NTM: variants seen among roughly 807,000 people sequenced by gnomAD.
NTM encodes the protein neurotrimin.
A neutral mutation model predicts 42.1 loss-of-function variants in NTM; 13 were observed. The observed-to-expected ratio is 0.31, with a 90% confidence interval of 0.20 to 0.49. The LOEUF is 0.49. NTM is among the 20% of genes least tolerant of loss of function. NTM has a pLI of 0.99. For synonymous variants in NTM, 187 were observed against 179.2 expected (o/e 1.04, Z -0.35); for missense variants, 373 against 452.8 (o/e 0.82, Z 1.60).
At chr11:131,672,022 G>A (rs910237229) in intron 1 of NTM, among the ~76,000 whole-genome samples, 11 of 152,164 alleles carry the variant, frequency 7.2e-5, no homozygotes, top group Admixed American at 2.6e-4. Flanking sequence ...GGCCCGCAGC[G>A]TGCCCTCGCT....
chr11:131,660,409 G>C (rs1445624566), intron 1 of NTM: 1 of 453,048 alleles, frequency 2.2e-6, no homozygotes, highest in Admixed American at 2.4e-5. Context: ...GGAGAGAGGA[G>C]GAAGACTCAG....
chr11:131,424,085 C>G (rs567548157), intron 1 of NTM, among the ~76,000 whole-genome samples: 2 of 152,194 alleles, frequency 1.3e-5, no homozygotes, highest in Non-Finnish European at 2.9e-5. Context: ...ACTCTAATGA[C>G]TTTCTTCTTG....
chr11:131,911,758 T>A lies in NTM; in HGVS notation c.167+110T>A. ...GTGCCTGGGTTGGCGGAGAGGTCGC[T>A]GGTTCCCTGGGCTGCACAATTTATG... On this transcript the variant is annotated intron_variant, in intron 2 of 8. Transcript: ENST00000683400. 5 of 1,356,068 alleles carry A rather than the reference T, an allele frequency of 3.7e-6. No individual in the cohort carries two copies. The East Asian group carries it at 1.2e-4, about 31-fold the overall frequency. The allele number at this position is 1,356,068 out of a possible 1,614,324, so 84.0% of individuals were successfully genotyped here.
chr11:131,648,857 G>C (rs1439680509), intron 1 of NTM, among the ~76,000 whole-genome samples: 3 of 152,118 alleles, frequency 2.0e-5, no homozygotes, highest in Non-Finnish European at 4.4e-5. Flanking sequence ...TTCTCTGGGA[G>C]GCCTTTTTAA....
intron 2 of NTM, among the ~76,000 whole-genome samples, chr11:131,915,722 A>T (rs138147335): frequency 3.3e-5 from 5 of 152,280 alleles, no homozygotes; most frequent in Admixed American, 1.3e-4. Context: ...TCATGGCAGA[A>T]GGCAAAAGGC....
chr11:131,414,306 C>A (rs1030176183), intron 1 of NTM, among the ~76,000 whole-genome samples: 4 of 152,166 alleles, frequency 2.6e-5, no homozygotes, highest in African/African-American at 9.7e-5. Context: ...AGGTCTCTTC[C>A]TTCCCTCTCC....
intron 7 of NTM, among the ~76,000 whole-genome samples, chr11:132,317,182 A>C (rs183758659): frequency 1.3e-5 from 2 of 152,098 alleles, no homozygotes; most frequent in African/African-American, 4.8e-5. Flanking sequence ...GGGGCCTCTG[A>C]GAGTTCTGCT....
intron 1 of NTM, among the ~76,000 whole-genome samples, chr11:131,862,857 C>T (rs77414158): frequency 0.034 from 5,144 of 152,242 alleles, 305 homozygotes; most frequent in African/African-American, 0.12. Flanking sequence ...CCTTTCAGAG[C>T]GGAGAGAGGA....
intron 1 of NTM, among the ~76,000 whole-genome samples, chr11:131,876,260 C>T (rs889244758): frequency 2.6e-5 from 4 of 152,162 alleles, no homozygotes; most frequent in Non-Finnish European, 4.4e-5. Context: ...CACTTGTGTG[C>T]GTGCAGTGAG....
intron 2 of NTM, among the ~76,000 whole-genome samples, chr11:132,127,823 A>T (rs552243218): frequency 6.6e-6 from 1 of 152,326 alleles, no homozygotes; most frequent in South Asian, 2.1e-4. Flanking sequence ...AGTTGCTATT[A>T]ATAGGAGAAA....
chr11:132,133,592 G>A (rs1238426255), intron 2 of NTM, among the ~76,000 whole-genome samples: 4 of 152,096 alleles, frequency 2.6e-5, no homozygotes, highest in African/African-American at 9.7e-5. Context: ...TAAAGAATGG[G>A]CCACAGAGAC....
At chr11:132,263,607 T>C (rs1364430548) in intron 4 of NTM, among the ~76,000 whole-genome samples, 5 of 152,188 alleles carry the variant, frequency 3.3e-5, no homozygotes, top group Non-Finnish European at 7.3e-5. Flanking sequence ...CCTTTTTTTT[T>C]CCTGAACAAT....
intron 1 of NTM, among the ~76,000 whole-genome samples, chr11:131,392,752 C>T (rs1370640306): frequency 6.6e-6 from 1 of 152,162 alleles, no homozygotes; most frequent in Non-Finnish European, 1.5e-5. Context: ...TGCACTCCTC[C>T]TCCCAAGCCT....
chr11:131,413,704 T>G (rs556436106), intron 1 of NTM, among the ~76,000 whole-genome samples: 4 of 152,308 alleles, frequency 2.6e-5, no homozygotes, highest in Non-Finnish European at 5.9e-5. Context: ...ATAATAGTGT[T>G]TATGGCTGTG....
chr11:131,526,084 C>A (rs1041409333), intron 1 of NTM, among the ~76,000 whole-genome samples: 17 of 152,202 alleles, frequency 1.1e-4, no homozygotes, highest in African/African-American at 4.1e-4. Context: ...TCAATCCTCA[C>A]AACAGTGCCA....
At chr11:131,803,964 C>T (rs749221973) in intron 1 of NTM, among the ~76,000 whole-genome samples, 4 of 152,244 alleles carry the variant, frequency 2.6e-5, no homozygotes, top group Admixed American at 2.0e-4. Flanking sequence ...CCAGCCTTGA[C>T]TATTTATCCA....
chr11:131,496,368 G>A (rs1177835360), intron 1 of NTM, among the ~76,000 whole-genome samples: 2 of 152,208 alleles, frequency 1.3e-5, no homozygotes, highest in Admixed American at 1.3e-4. Context: ...CAGCACTTCT[G>A]CAAACCCTAC....
chr11:131,809,750 C>T (rs946346041), intron 1 of NTM, among the ~76,000 whole-genome samples: 1 of 152,176 alleles, frequency 6.6e-6, no homozygotes, highest in African/African-American at 2.4e-5. Context: ...TATAAATCTT[C>T]GGCTTCCCCC....
chr11:131,516,572 A>T (rs1821656540), intron 1 of NTM, among the ~76,000 whole-genome samples: 1 of 152,100 alleles, frequency 6.6e-6, no homozygotes, highest in Non-Finnish European at 1.5e-5. Flanking sequence ...GGGTTTCACC[A>T]TGTTGGCCAG....
Sources: allele counts gnomAD v4.1 joint callset (sites outside exome capture counted in the v4.1 genomes callset), GRCh38; gene constraint gnomAD v4.1.1; transcripts MANE v1.5; gene names NCBI Gene and HGNC (gene_info 2026-07-23, HGNC 2026-07-21).